ARHGAP15: variants seen among roughly 807,000 people sequenced by gnomAD.
ARHGAP15 encodes the protein Rho GTPase activating protein 15, also known as rho GTPase-activating protein 15.
ARHGAP15 carries 51 observed loss-of-function variants against 63.7 expected under a neutral mutation model. The observed-to-expected ratio is 0.80, with a 90% CI of 0.64 to 1.01. The LOEUF is 1.01. Among genes scored for constraint, ARHGAP15 ranks in the 50% least tolerant of loss-of-function variants. The pLI, the probability that ARHGAP15 is intolerant of heterozygous loss-of-function variation, is 0.00. For synonymous variants in ARHGAP15, 191 were observed against 193.8 expected (o/e 0.99, Z 0.12); for missense variants, 560 against 564.6 (o/e 0.99, Z 0.08).
intron 13 of ARHGAP15, among the ~76,000 whole-genome samples, chr2:143,765,323 AGGTC>A (rs1334291100): frequency 6.6e-6 from 1 of 152,158 alleles, no homozygotes; most frequent in Non-Finnish European, 1.5e-5. Context: ...AGAGAAGCAA[AGGTC>A]CATTCCACTT....
chr2:143,320,402 T>A (rs1328278425), intron 6 of ARHGAP15, among the ~76,000 whole-genome samples: 4 of 9,518 alleles, frequency 4.2e-4, no homozygotes, highest in Admixed American at 1.1e-3. Flanking sequence ...AAATCAGGAC[T>A]TCCCCACCCC....
At chr2:143,183,660 A>G (rs1236895865) in intron 2 of ARHGAP15, among the ~76,000 whole-genome samples, 1 of 152,118 alleles carries the variant, frequency 6.6e-6, no homozygotes, top group Non-Finnish European at 1.5e-5. Flanking sequence ...GGACACTCTA[A>G]AACACTTTAA....
intron 13 of ARHGAP15, among the ~76,000 whole-genome samples, chr2:143,746,612 T>C (rs189833650): frequency 1.3e-5 from 2 of 152,304 alleles, no homozygotes; most frequent in East Asian, 3.9e-4. Flanking sequence ...ATGCCCTAAC[T>C]TTTTTACCAC....
intron 6 of ARHGAP15, among the ~76,000 whole-genome samples, chr2:143,384,011 A>G (rs1558935224): frequency 6.6e-6 from 1 of 152,164 alleles, no homozygotes; most frequent in South Asian, 2.1e-4. Context: ...AGTCCTTGCC[A>G]TCCTCCTCAG....
At chr2:143,644,648 G>A (rs1680780504) in intron 12 of ARHGAP15, among the ~76,000 whole-genome samples, 2 of 152,052 alleles carry the variant, frequency 1.3e-5, no homozygotes, top group African/African-American at 4.8e-5. Context: ...ACAGTGACTG[G>A]AACGTTGAAT....
At chr2:143,753,765 T>C (rs193240344) in intron 13 of ARHGAP15, among the ~76,000 whole-genome samples, 1 of 152,312 alleles carries the variant, frequency 6.6e-6, no homozygotes, top group African/African-American at 2.4e-5. Context: ...AACCATAGCA[T>C]AAAACAGATA....
intron 6 of ARHGAP15, among the ~76,000 whole-genome samples, chr2:143,402,673 A>G (rs1688033783): frequency 6.6e-6 from 1 of 151,878 alleles, no homozygotes; most frequent in Non-Finnish European, 1.5e-5. Flanking sequence ...AAGAGACCAC[A>G]ATTCACAGGA....
intron 6 of ARHGAP15, among the ~76,000 whole-genome samples, chr2:143,314,942 C>T (rs959079362): frequency 3.3e-5 from 5 of 152,146 alleles, no homozygotes; most frequent in Admixed American, 2.0e-4. Context: ...TAAATATACT[C>T]ATTATATATA....
chr2:143,337,189 TG>T (rs1320047611), intron 6 of ARHGAP15, among the ~76,000 whole-genome samples: 1 of 152,098 alleles, frequency 6.6e-6, no homozygotes, highest in Non-Finnish European at 1.5e-5. Flanking sequence ...GCAAAAGTGC[TG>T]TGAAGATGGT....
At chr2:143,544,700 A>T (rs1037145634) in intron 10 of ARHGAP15, among the ~76,000 whole-genome samples, 4 of 152,192 alleles carry the variant, frequency 2.6e-5, no homozygotes, top group African/African-American at 7.2e-5. Context: ...TACCTACACA[A>T]TATCTGTCAA....
At chr2:143,598,776 C>A (rs1303723990) in intron 11 of ARHGAP15, among the ~76,000 whole-genome samples, 2 of 151,966 alleles carry the variant, frequency 1.3e-5, no homozygotes, top group East Asian at 3.9e-4. Flanking sequence ...TTTAATTATC[C>A]AGGCATGGTG....
At chr2:143,429,060 A>G (rs1023183823) in intron 6 of ARHGAP15, among the ~76,000 whole-genome samples, 1 of 152,174 alleles carries the variant, frequency 6.6e-6, no homozygotes, top group Non-Finnish European at 1.5e-5. Flanking sequence ...CGTTTTTCAT[A>G]TGAGCACCAC....
Position 143,561,542 on chromosome 2 carries a change from C to G in ARHGAP15, c.1003+5057C>G, listed in dbSNP as rs147283845. ...TTTTTTTTTTTTTGAGACGGAGTCT[C>G]GGTCGGTCTGTCACCCAGCCTGGAG... On this transcript the variant is annotated intron_variant, in intron 11 of 13. Transcript: ENST00000295095. Among the ~76,000 whole-genome samples the G allele has an allele frequency of 2.0e-3, 300 of 148,554 alleles. 1 individual carries two copies. Among genetic ancestry groups the G allele is most frequent in the African/African-American group, 6.7e-3 (270 of 40,198 alleles).
intron 4 of ARHGAP15, among the ~76,000 whole-genome samples, chr2:143,217,800 G>A (rs1407322378): frequency 6.6e-6 from 1 of 152,170 alleles, no homozygotes. Context: ...GGAATAAAGA[G>A]TTTCTTCAAA....
At chr2:143,559,469 T>A (rs1273547996) in intron 11 of ARHGAP15, among the ~76,000 whole-genome samples, 1 of 152,212 alleles carries the variant, frequency 6.6e-6, no homozygotes, top group Non-Finnish European at 1.5e-5. Flanking sequence ...GAATGCAACA[T>A]ACTCAACACA....
At chr2:143,572,498 G>T (rs953181608) in intron 11 of ARHGAP15, among the ~76,000 whole-genome samples, 1 of 152,098 alleles carries the variant, frequency 6.6e-6, no homozygotes, top group Non-Finnish European at 1.5e-5. Flanking sequence ...GTGATCATTT[G>T]TTCATCTGAG....
chr2:143,183,836 T>C (rs1691333061), intron 2 of ARHGAP15, among the ~76,000 whole-genome samples: 1 of 151,998 alleles, frequency 6.6e-6, no homozygotes, highest in African/African-American at 2.4e-5. Flanking sequence ...AGTTGGAACC[T>C]CATGAAAAGA....
intron 11 of ARHGAP15, among the ~76,000 whole-genome samples, chr2:143,591,938 C>A (rs1697338184): frequency 1.7e-4 from 1 of 6,018 alleles, no homozygotes; most frequent in African/African-American, 5.9e-4. Context: ...ATTTTTATAA[C>A]TCTATTTTGA....
intron 4 of ARHGAP15, among the ~76,000 whole-genome samples, chr2:143,217,412 T>C (rs1692798324): frequency 6.6e-6 from 1 of 152,174 alleles, no homozygotes; most frequent in African/African-American, 2.4e-5. Flanking sequence ...AATAACAAGC[T>C]CTATTTTCTC....
Sources: allele counts gnomAD v4.1 joint callset (sites outside exome capture counted in the v4.1 genomes callset), GRCh38; gene constraint gnomAD v4.1.1; transcripts MANE v1.5; gene names NCBI Gene and HGNC (gene_info 2026-07-23, HGNC 2026-07-21).